ZFR2: variants seen among roughly 807,000 people sequenced by gnomAD.
ZFR2 encodes zinc finger RNA-binding protein 2.
A neutral mutation model predicts 105.7 loss-of-function variants in ZFR2; 104 were observed. That is an observed-to-expected ratio of 0.98 (90% CI 0.84 to 1.16). The LOEUF (loss-of-function observed/expected upper bound fraction) is 1.16, where lower values mean the gene tolerates loss of function less well. ZFR2 is among the 50% of genes most tolerant of loss of function. The probability of loss-of-function intolerance (pLI) is 0.00; values close to 1 mark genes in which losing one functional copy is unlikely to be tolerated. For missense variants in ZFR2, 1,425 were observed against 1,355.5 expected (o/e 1.05, Z -0.80); for synonymous variants, 634 against 597.7 (o/e 1.06, Z -0.89).
chr19:3,809,603 C>T (rs10413395), intron 16 of ZFR2, among the ~76,000 whole-genome samples: 1,737 of 152,280 alleles, frequency 0.011, 30 homozygotes, highest in African/African-American at 0.04. Context: ...AGCACGGAGG[C>T]TACTGTGACC....
intron 18 of ZFR2, among the ~76,000 whole-genome samples, chr19:3,806,807 T>C (rs1416603149): frequency 6.6e-6 from 1 of 152,192 alleles, no homozygotes; most frequent in Non-Finnish European, 1.5e-5. Context: ...AGATTTTTCT[T>C]ATAAACAAAT....
chr19:3,825,133 T>C, intron 7 of ZFR2, 97 bp downstream of exon 7: 1 of 1,353,410 alleles, frequency 7.4e-7, no homozygotes, highest in Non-Finnish European at 9.5e-7. Flanking sequence ...CGGGAAGACA[T>C]GACGAAAATC....
rs372752700 is a variant in ZFR2, at chr19:3,819,217, A to T, written c.1759T>A (p.Ser587Thr). 4.5e-6 allele frequency: 7 copies of T among 1,552,366 alleles called. No individual in the cohort carries two copies. In the African/African-American group the frequency reaches 9.6e-5, roughly 21 times the overall value. The change falls in exon 12 of 19, where the codon TCC (serine) becomes ACC (threonine). Residue 587 changes from serine (S) to threonine (T), a missense_variant. By Grantham distance (58) the Ser-to-Thr change is moderately conservative. Coordinates refer to ENST00000262961, the MANE Select transcript of ZFR2 (RefSeq NM_015174.2). ...APLQPGRRPA[S>T]SDDRHVMCKH... ...CACATGACGTGCCGGTCGTCGCTGG[A>T]CGCCGGCCGCCGCCCGGGCTGTGGG...
Position 3,827,510 on chromosome 19 carries a change from G to A in ZFR2, c.996C>T (p.Asp332=), listed in dbSNP as rs376526209. 56 of 1,556,020 alleles carry A rather than the reference G, an allele frequency of 3.6e-5. No individual in the cohort carries two copies. Among genetic ancestry groups the A allele is most frequent in the Middle Eastern group, 3.8e-4 (2 of 5,284 alleles). The change falls in exon 6 of 19, where the codon GAC becomes GAT. Residue 332 remains aspartate (D), a synonymous_variant. Transcript: ENST00000262961. ...ATCCCCGGATGTGGGCCGCGTAGGC[G>A]TCCGCCCCGGTGCAGGACACGGCGC... The part of the protein sequence containing the change: ...DLCAVSCTGA[D]AYAAHIRGSK...
chr19:3,834,706 A>G lies in ZFR2; in HGVS notation c.264+67T>C. 6.6e-7 allele frequency: 1 copy of G among 1,507,740 alleles called. No homozygotes were observed. Among genetic ancestry groups the G allele is most frequent in the Non-Finnish European group, 9.1e-7 (1 of 1,103,214 alleles). The allele number at this position is 1,507,740 out of a possible 1,614,324, so 93.4% of individuals were successfully genotyped here. A position where few individuals can be genotyped will look rare whatever the true frequency, so the allele number is the denominator to read the frequency against. On this transcript the variant is annotated intron_variant, in intron 2 of 18. Transcript: ENST00000262961. This position sits in a 1 kb window ranked among gnomAD's most constrained non-coding sequence, Gnocchi z 5.3. ...GAGAAGGAGTAGCTGTGGGAAGCCC[A>G]CCGCTCTCACCCATGCAAGGCGACC...
chr19:3,815,062 C>T (rs1009394044), intron 13 of ZFR2, among the ~76,000 whole-genome samples: 7 of 152,114 alleles, frequency 4.6e-5, no homozygotes, highest in African/African-American at 7.2e-5. Context: ...GAAGAAGGAA[C>T]GACTCTGGGG....
At chr19:3,819,530 AC>A (rs1222493799) in intron 11 of ZFR2, among the ~76,000 whole-genome samples, 1 of 152,128 alleles carries the variant, frequency 6.6e-6, no homozygotes, top group African/African-American at 2.4e-5. Flanking sequence ...CAGCCTGGGA[AC>A]CCTTTCTCAC....
chr19:3,804,535 C>CG lies in ZFR2; in HGVS notation c.*1413dup, dbSNP rs1156462676. 1 of 121,136 alleles carries CG rather than the reference C, an allele frequency of 8.3e-6. No individual in the cohort carries two copies. Among genetic ancestry groups the CG allele is most frequent in the Non-Finnish European group, 1.8e-5 (1 of 56,474 alleles). 7.5% of individuals were successfully genotyped at this position (121,136 alleles called of 1,614,324 possible). ...GCACTCAGTGGTACAGGGCTCGGGG[C>CG]GGGGGGTGGGTGGGGGTGCCTCTGG... On this transcript the variant is annotated 3_prime_UTR_variant, in exon 19 of 19. Transcript: ENST00000262961.
rs1411533942 is a variant in ZFR2, at chr19:3,838,977, GCT to G, written c.54-3996_54-3995del. Reference sequence around the variant, plus strand: ...CTGAACGGCGCTTGTGTTGGGGAGGGCTCTGTCAGACACCTCAGCCTGTTTCT... The same window carrying G: ...CTGAACGGCGCTTGTGTTGGGGAGGGCTGTCAGACACCTCAGCCTGTTTCT... On this transcript the variant is annotated intron_variant, in intron 1 of 18. Coordinates refer to ENST00000262961, the MANE Select transcript of ZFR2 (RefSeq NM_015174.2). The surrounding 1 kb of genome is among the most constrained non-coding windows in gnomAD (Gnocchi z 4.9). 6.6e-6 allele frequency among the ~76,000 whole-genome samples: 1 copy of G among 152,084 alleles called. No homozygotes were observed. Among genetic ancestry groups the G allele is most frequent in the Non-Finnish European group, 1.5e-5 (1 of 68,010 alleles).
In ZFR2 at chr19:3,819,089, G is replaced by T; in HGVS notation, c.1887C>A (p.Ala629=). 6.2e-7 allele frequency: 1 copy of T among 1,612,314 alleles called. No individual in the cohort carries two copies. The highest frequency in any genetic ancestry group is 8.5e-7 in the Non-Finnish European group (1 of 1,179,786). Residue 629 remains alanine (A), a synonymous_variant, in exon 12 of 19, where the codon GCC becomes GCA. Transcript: ENST00000262961. ...RALKLVSDTL[A]EEDRGRREEE... is the part of the protein sequence containing the mutation. ...CCTCTCGGCGGCCCCGGTCCTCCTC[G>T]GCCAGTGTGTCGGACACCAGCTTGA...
rs372547167 is a variant in ZFR2, at chr19:3,821,436, C to G, written c.1535G>C (p.Ser512Thr). ...PDLPIATEPS[S>T]RARKVLEERM... Reference sequence around the variant, plus strand: ...CTCCTCCAGGACCTTCCGAGCCCGGCTGCTGGGCTCCGTGGCAATGGGAAG... The same window carrying G: ...CTCCTCCAGGACCTTCCGAGCCCGGGTGCTGGGCTCCGTGGCAATGGGAAG... Residue 512 changes from serine to threonine, a missense_variant, in exon 10 of 19, where the codon AGC becomes ACC. Physicochemically the swap from Ser to Thr is moderately conservative, Grantham distance 58. Coordinates refer to ENST00000262961, the MANE Select transcript of ZFR2 (RefSeq NM_015174.2). 18 of 1,609,754 alleles carry G rather than the reference C, an allele frequency of 1.1e-5. No homozygotes were observed. Among genetic ancestry groups the G allele is most frequent in the Admixed American group, 1.7e-5 (1 of 59,892 alleles).
At chr19:3,847,623 C>T (rs1425662973) in intron 1 of ZFR2, among the ~76,000 whole-genome samples, 5 of 152,184 alleles carry the variant, frequency 3.3e-5, no homozygotes, top group South Asian at 4.1e-4. Flanking sequence ...AGCGAATCAC[C>T]GAATCCGACC....
chr19:3,866,533 C>T (rs2038430304), intron 1 of ZFR2, among the ~76,000 whole-genome samples: 1 of 152,026 alleles, frequency 6.6e-6, no homozygotes, highest in African/African-American at 2.4e-5. Context: ...TAATTCAAAT[C>T]AATGACAGAA....
rs1482592362 is a variant in ZFR2 at position 3,827,475 on chromosome 19, T to C, written c.1031A>G (p.Gln344Arg). ...YAAHIRGSKH[Q>R]KVFKLHAKLG... is the part of the protein sequence containing the mutation. ...CTGGGCCGGGCGGGGCCGTACCTTC[T>C]GGTGCTTGGATCCCCGGATGTGGGC... The change falls in exon 6 of 19, where the codon CAG (glutamine) becomes CGG (arginine). Residue 344 changes from glutamine (Q) to arginine (R), a missense_variant. Transcript: ENST00000262961. 2.7e-5 allele frequency: 42 copies of C among 1,547,462 alleles called. No homozygotes were observed. Among genetic ancestry groups the C allele is most frequent in the Non-Finnish European group, 3.7e-5 (42 of 1,146,388 alleles).
intron 1 of ZFR2, chr19:3,855,334 G>A (rs1007665972): frequency 8.2e-7 from 1 of 1,225,752 alleles, no homozygotes; most frequent in Non-Finnish European, 1.0e-6. Flanking sequence ...GGCCTTCTGA[G>A]GCACCATTTT....
At chr19:3,812,086 G>A (rs535033582) in intron 14 of ZFR2, among the ~76,000 whole-genome samples, 8 of 152,178 alleles carry the variant, frequency 5.3e-5, no homozygotes, top group Middle Eastern at 3.4e-3. Context: ...TGGGATTACC[G>A]GCGCACGCCA....
At chr19:3,855,748 G>A (rs2038291210) in intron 1 of ZFR2, among the ~76,000 whole-genome samples, 2 of 152,268 alleles carry the variant, frequency 1.3e-5, no homozygotes, top group Middle Eastern at 3.4e-3. Context: ...ACAGGGCAGC[G>A]CATTTGAGCA....
At chr19:3,829,841 G>A (rs1025126777) in intron 5 of ZFR2, among the ~76,000 whole-genome samples, 3 of 152,204 alleles carry the variant, frequency 2.0e-5, no homozygotes, top group African/African-American at 4.8e-5. Context: ...CACTTTTGGC[G>A]TATACTGCAG....
chr19:3,837,369 A>C (rs895712466), intron 1 of ZFR2, among the ~76,000 whole-genome samples: 8 of 152,096 alleles, frequency 5.3e-5, no homozygotes, highest in Admixed American at 3.9e-4. Flanking sequence ...TGACCATGAC[A>C]CTCGATGAAC....
Sources: gnomAD v4.1 joint callset for allele counts (sites outside exome capture counted in the v4.1 genomes callset) on GRCh38, gnomAD v4.1.1 for gene constraint, Gnocchi (gnomAD v3.1) non-coding constraint, MANE v1.5 for transcripts, NCBI Gene and HGNC (gene_info 2026-07-23, HGNC 2026-07-21) for gene names.